SCPEP1: variants seen among roughly 807,000 people sequenced by gnomAD.
SCPEP1 encodes retinoid-inducible serine carboxypeptidase.
A neutral mutation model predicts 63.8 loss-of-function variants in SCPEP1; 51 were observed. The observed-to-expected ratio is 0.80, with a 90% confidence interval of 0.64 to 1.01. The LOEUF (loss-of-function observed/expected upper bound fraction) is 1.01, where lower values mean the gene tolerates loss of function less well. Among genes scored for constraint, SCPEP1 ranks in the 50% least tolerant of loss-of-function variants. The pLI, the probability that SCPEP1 is intolerant of heterozygous loss-of-function variation, is 0.00. For missense variants in SCPEP1, 499 were observed against 554.9 expected, an observed-to-expected ratio of 0.90 and a Z score of 1.01; for synonymous variants, 204 against 207.8, an observed-to-expected ratio of 0.98 and a Z score of 0.16.
intron 1 of SCPEP1, 137 bp from the exon 2 acceptor site, chr17:56,980,945 G>GC (rs1911050937): frequency 2.2e-6 from 2 of 894,654 alleles, no homozygotes; most frequent in Admixed American, 6.1e-5. Context: ...CCTTATTCCT[G>GC]CAATGTACTG....
chr17:57,005,615 C>A (rs1911860103), intron 12 of SCPEP1, among the ~76,000 whole-genome samples: 1 of 152,094 alleles, frequency 6.6e-6, no homozygotes, highest in Non-Finnish European at 1.5e-5. Flanking sequence ...TCTGCCCTTC[C>A]CCCTTTTGAT....
intron 11 of SCPEP1, among the ~76,000 whole-genome samples, 175 bp downstream of exon 11, chr17:57,001,167 C>G (rs534052137): frequency 2.0e-5 from 3 of 152,228 alleles, no homozygotes; most frequent in Non-Finnish European, 4.4e-5. Context: ...GGGAGCTGCA[C>G]GTGGCTGTGA....
intron 8 of SCPEP1, 145 bp downstream of exon 8, chr17:56,995,780 T>C: frequency 1.1e-6 from 1 of 921,142 alleles, no homozygotes; most frequent in Non-Finnish European, 1.5e-6. Flanking sequence ...ATAAATCTCT[T>C]GGGTCTAAGC....
intron 3 of SCPEP1, chr17:56,987,433 C>T: frequency 2.8e-6 from 1 of 358,034 alleles, no homozygotes. Context: ...TTATTTGATC[C>T]CCGTGTGTGT....
At position 56,999,211 on chromosome 17, in the gene SCPEP1, G is replaced by A. The variant is rs1204763304; in HGVS notation, c.994+713G>A. 2.6e-5 allele frequency among the ~76,000 whole-genome samples: 4 copies of A among 152,184 alleles called. No individual in the cohort carries two copies. The East Asian group carries it at 5.8e-4, about 22-fold the overall frequency. ...TTCGCGCCAAAGGTCCTTGCAGGAT[G>A]TCAGAGACACCCAGGTGCTCGGGCA... On this transcript the variant is annotated intron_variant, in intron 10 of 12. Transcript: ENST00000262288.
chr17:56,980,598 G>A lies in SCPEP1; in HGVS notation c.77-484G>A, dbSNP rs370966093. ...GAGGTCAGGAGTGCGAGACCAGCCT[G>A]ACCAACATGGAGAAACCCCATCTCT... On this transcript the variant is annotated intron_variant, in intron 1 of 12. Coordinates refer to ENST00000262288, the MANE Select transcript of SCPEP1 (RefSeq NM_021626.3). Among the ~76,000 whole-genome samples the A allele has an allele frequency of 5.3e-5, 8 of 152,174 alleles. No individual in the cohort carries two copies. In the East Asian group the frequency reaches 1.5e-3, roughly 29 times the overall value.
At chr17:56,993,520 T>G (rs889663991) in intron 6 of SCPEP1, among the ~76,000 whole-genome samples, 1 of 152,236 alleles carries the variant, frequency 6.6e-6, no homozygotes, top group African/African-American at 2.4e-5. Context: ...CTCGGCTCAC[T>G]GCAACCTCCG....
chr17:56,985,203 T>C (rs1011713450), intron 2 of SCPEP1, 175 bp from the exon 3 acceptor site: 2 of 616,876 alleles, frequency 3.2e-6, no homozygotes, highest in African/African-American at 1.8e-5. Flanking sequence ...ACCTCAGCAG[T>C]TACTAGGGGA....
In SCPEP1 at chr17:57,006,245, G is replaced by A. The variant is rs776134285; in HGVS notation, c.*10G>A. The stretch of plus-strand genomic sequence containing the variant: ...GACTCAGCAAGAATAGGATGGATGG[G>A]GCTGGAGATGAGCTGGTTTGGCCTT... On this transcript the variant is annotated 3_prime_UTR_variant, in exon 13 of 13. Transcript: ENST00000262288. 6.2e-7 allele frequency: 1 copy of A among 1,608,488 alleles called. No individual in the cohort carries two copies. The highest frequency in any genetic ancestry group is 1.1e-5 in the South Asian group (1 of 90,354).
At chr17:56,991,999 A>C (rs1911414436) in intron 6 of SCPEP1, among the ~76,000 whole-genome samples, 1 of 152,206 alleles carries the variant, frequency 6.6e-6, no homozygotes, top group South Asian at 2.1e-4. Flanking sequence ...CAAACTATCG[A>C]GTTAGAAATC....
chr17:56,990,327 G>A (rs8072840), intron 5 of SCPEP1, among the ~76,000 whole-genome samples: 6,429 of 152,198 alleles, frequency 0.042, 468 homozygotes, highest in African/African-American at 0.15. Context: ...GAATATCAGT[G>A]AGCTTAAATA....
At position 56,987,722 on chromosome 17, in the gene SCPEP1, G is replaced by A. The variant is rs1911265172; in HGVS notation, c.343G>A (p.Asp115Asn). ...WLQAASLLFV[D>N]NPVGTGFSYV... ...CCAGGCTGCCAGTCTCCTATTTGTG[G>A]ATAATCCCGTGGGCACTGGGTTCAG... Residue 115 changes from aspartate to asparagine, a missense_variant, in exon 4 of 13, where the codon GAT (aspartate) becomes AAT (asparagine). Asp to Asn is a conservative substitution (Grantham distance 23). Transcript: ENST00000262288. 6.2e-7 allele frequency: 1 copy of A among 1,614,012 alleles called. No individual in the cohort carries two copies. Among genetic ancestry groups the A allele is most frequent in the Non-Finnish European group, 8.5e-7 (1 of 1,179,976 alleles).
At chr17:56,980,587 G>A (rs1274953703) in intron 1 of SCPEP1, among the ~76,000 whole-genome samples, 2 of 151,992 alleles carry the variant, frequency 1.3e-5, no homozygotes, top group East Asian at 1.9e-4. Flanking sequence ...TCAGGAGTGC[G>A]AGACCAGCCT....
At chr17:56,993,971 C>A (rs1774801444) in intron 6 of SCPEP1, among the ~76,000 whole-genome samples, 1 of 152,200 alleles carries the variant, frequency 6.6e-6, no homozygotes, top group Non-Finnish European at 1.5e-5. Context: ...GAAGGTTAAG[C>A]CCGGGAGGTG....
At chr17:56,994,433 C>A (rs1911486378) in intron 6 of SCPEP1, among the ~76,000 whole-genome samples, 1 of 152,224 alleles carries the variant, frequency 6.6e-6, no homozygotes, top group Admixed American at 6.5e-5. Context: ...CTTTTGCTGC[C>A]TCTAGACCCT....
intron 10 of SCPEP1, among the ~76,000 whole-genome samples, chr17:56,999,996 A>AG (rs1290315027): frequency 1.3e-5 from 2 of 150,370 alleles, no homozygotes; most frequent in Non-Finnish European, 3.0e-5. Context: ...AAAAAAAAAA[A>AG]AAAAAGAGCT....
rs376313248 is a variant in SCPEP1, at chr17:56,978,153, A to G, written c.-7A>G. 5 of 1,333,648 alleles carry G rather than the reference A, an allele frequency of 3.7e-6. No homozygotes were observed. The highest frequency in any genetic ancestry group is 3.0e-5 in the African/African-American group (2 of 66,276). The allele number at this position is 1,333,648 out of a possible 1,614,324, so 82.6% of individuals were successfully genotyped here. A position where few individuals can be genotyped will look rare whatever the true frequency, so the allele number is the denominator to read the frequency against. ...CCTGTTGCTGATGCTGCCGTGCGGT[A>G]CTTGTCATGGAGCTGGCACTGCGGC... On this transcript the variant is annotated 5_prime_UTR_variant, in exon 1 of 13. Transcript: ENST00000262288.
intron 2 of SCPEP1, chr17:56,982,668 T>G (rs1911103411): frequency 6.6e-6 from 1 of 152,132 alleles, no homozygotes; most frequent in African/African-American, 2.4e-5. Context: ...AGATACTTCC[T>G]CCTCTGGGCC....
At chr17:56,997,234 T>C (rs1253057890) in intron 9 of SCPEP1, 179 bp downstream of exon 9, 1 of 444,584 alleles carries the variant, frequency 2.2e-6, no homozygotes. Flanking sequence ...AATCCAGTTA[T>C]GGAGCATTTC....
Sources: allele counts gnomAD v4.1 joint callset (sites outside exome capture counted in the v4.1 genomes callset), GRCh38; gene constraint gnomAD v4.1.1; transcripts MANE v1.5; gene names NCBI Gene and HGNC (gene_info 2026-07-23, HGNC 2026-07-21).